The following MACROD2 variants were observed in gnomAD, a reference collection of about 807,000 sequenced individuals.
The protein encoded by MACROD2 is mono-ADP ribosylhydrolase 2.
In MACROD2, 36 loss-of-function variants were observed where a neutral mutation model predicts 70.4. The ratio of observed to expected loss-of-function variants is 0.51; its 90% CI spans 0.39 to 0.68. The LOEUF (loss-of-function observed/expected upper bound fraction) is 0.68, where lower values mean the gene tolerates loss of function less well. Among genes scored for constraint, MACROD2 ranks in the 30% least tolerant of loss-of-function variants. The pLI is 0.00. For missense variants in MACROD2, 496 were observed against 538.4 expected, an observed-to-expected ratio of 0.92 and a Z score of 0.78; for synonymous variants, 172 against 178.8, an observed-to-expected ratio of 0.96 and a Z score of 0.30.
At chr20:14,360,134 T>TA (rs2083207957) in intron 3 of MACROD2, among the ~76,000 whole-genome samples, 1 of 151,934 alleles carries the variant, frequency 6.6e-6, no homozygotes, top group Admixed American at 6.6e-5. Context: ...GGCTGGGGGC[T>TA]AGGTTGGTTC....
rs565721487 is a variant in MACROD2 at position 15,829,498 on chromosome 20, C to A, written c.646-33247C>A. Among the ~76,000 whole-genome samples the A allele has an allele frequency of 1.9e-4, 29 of 152,242 alleles. No individual in the cohort carries two copies. The East Asian group carries it at 4.1e-3, about 21-fold the overall frequency. On this transcript the variant is annotated intron_variant, in intron 8 of 17. Transcript: ENST00000684519. ...AACTACGTGTAATGACAACTGTGAT[C>A]TCCTGGTCCCACCCCTTGACCAGCA... is the stretch of plus-strand genomic sequence containing the variant.
intron 5 of MACROD2, among the ~76,000 whole-genome samples, chr20:14,724,728 TC>T (rs1459905833): frequency 1.3e-5 from 2 of 152,234 alleles, no homozygotes; most frequent in Admixed American, 6.5e-5. Context: ...TTGAGCATGA[TC>T]ATCTAAGGAG....
At chr20:15,482,662 G>A (rs543092239) in intron 7 of MACROD2, among the ~76,000 whole-genome samples, 1 of 152,290 alleles carries the variant, frequency 6.6e-6, no homozygotes, top group African/African-American at 2.4e-5. Flanking sequence ...CTAAAGGGCT[G>A]TAACATTTTG....
chr20:14,946,670 A>C (rs983796112), intron 5 of MACROD2, among the ~76,000 whole-genome samples: 2 of 152,118 alleles, frequency 1.3e-5, no homozygotes, highest in Non-Finnish European at 2.9e-5. Context: ...GCATCTGTTG[A>C]TTTTCTTTTC....
intron 2 of MACROD2, among the ~76,000 whole-genome samples, chr20:14,007,186 A>G (rs1053990170): frequency 2.0e-5 from 3 of 146,930 alleles, no homozygotes; most frequent in African/African-American, 7.4e-5. Context: ...TCAGACTTCT[A>G]TAAAGAGGAA....
chr20:15,647,953 A>G (rs992303856), intron 8 of MACROD2, among the ~76,000 whole-genome samples: 2 of 152,160 alleles, frequency 1.3e-5, no homozygotes, highest in Non-Finnish European at 2.9e-5. Context: ...TCCTGACCTC[A>G]AGTAATCTGC....
intron 8 of MACROD2, among the ~76,000 whole-genome samples, chr20:15,677,934 G>A (rs1182449475): frequency 1.3e-5 from 2 of 151,922 alleles, no homozygotes; most frequent in Non-Finnish European, 2.9e-5. Context: ...GCATGGTGGT[G>A]GGCACCTGTA....
intron 4 of MACROD2, among the ~76,000 whole-genome samples, chr20:14,582,674 G>C (rs1277545188): frequency 6.6e-6 from 1 of 152,014 alleles, no homozygotes; most frequent in Non-Finnish European, 1.5e-5. Context: ...CCCAGTGTAG[G>C]GTAATTGTGT....
intron 3 of MACROD2, among the ~76,000 whole-genome samples, chr20:14,287,053 G>A (rs6042652): frequency 0.65 from 99,457 of 151,940 alleles, 33,412 homozygotes; most frequent in Non-Finnish European, 0.73. Context: ...TGATAGGTCT[G>A]TTTTCTGTAG....
chr20:16,049,327 A>G (rs74493123), intron 17 of MACROD2, among the ~76,000 whole-genome samples: 7,164 of 152,222 alleles, frequency 0.047, 263 homozygotes, highest in South Asian at 0.17. Flanking sequence ...AATAAAGAGT[A>G]TAGGTTTTTG....
At chr20:14,848,681 C>T (rs6074805) in intron 5 of MACROD2, among the ~76,000 whole-genome samples, 50,188 of 151,898 alleles carry the variant, frequency 0.33, 9,177 homozygotes, top group Non-Finnish European at 0.41. Flanking sequence ...ATAATAATTT[C>T]GATATATTCA....
intron 13 of MACROD2, among the ~76,000 whole-genome samples, chr20:15,984,592 G>T (rs1236588187): frequency 2.6e-5 from 4 of 151,526 alleles, no homozygotes; most frequent in Non-Finnish European, 5.9e-5. Context: ...TTCAGGACAA[G>T]AATTTACTAT....
intron 5 of MACROD2, among the ~76,000 whole-genome samples, chr20:14,793,839 A>C (rs2072479575): frequency 6.6e-6 from 1 of 152,010 alleles, no homozygotes; most frequent in East Asian, 1.9e-4. Context: ...AAAACAGTAG[A>C]AGATAGAAGA....
In MACROD2 at chr20:15,790,391, C is replaced by T. The variant is rs554670602; in HGVS notation, c.646-72354C>T. Among the ~76,000 whole-genome samples the T allele has an allele frequency of 4.0e-5, 6 of 151,820 alleles. No homozygotes were observed. In the South Asian group the frequency reaches 1.2e-3, roughly 32 times the overall value. On this transcript the variant is annotated intron_variant, in intron 8 of 17. Transcript: ENST00000684519. ...TATTCTAGAAATAGCACATGTAATT[C>T]AATATGAGAAATGAGAATTAAAGGT...
chr20:14,190,728 T>TTTTTTTTC (rs765628902), intron 3 of MACROD2, among the ~76,000 whole-genome samples: 6 of 71,662 alleles, frequency 8.4e-5, no homozygotes, highest in Non-Finnish European at 1.3e-4. Context: ...TTTTTTTTTT[T>TTTTTTTTC]CCAGAGTCTT....
At chr20:14,909,779 T>C (rs2074004091) in intron 5 of MACROD2, among the ~76,000 whole-genome samples, 1 of 152,186 alleles carries the variant, frequency 6.6e-6, no homozygotes, top group African/African-American at 2.4e-5. Context: ...AAATCTGTTA[T>C]AGAAGTACAT....
At chr20:14,733,555 A>G (rs1233886949) in intron 5 of MACROD2, among the ~76,000 whole-genome samples, 1 of 152,210 alleles carries the variant, frequency 6.6e-6, no homozygotes, top group Non-Finnish European at 1.5e-5. Context: ...CATGGAGAAG[A>G]ATTACAGCAT....
At chr20:14,401,921 T>G (rs2083641884) in intron 3 of MACROD2, among the ~76,000 whole-genome samples, 1 of 152,260 alleles carries the variant, frequency 6.6e-6, no homozygotes, top group South Asian at 2.1e-4. Context: ...ATCCACAAAT[T>G]GAAGTGCCAT....
intron 3 of MACROD2, among the ~76,000 whole-genome samples, chr20:14,089,506 A>T (rs1174515259): frequency 6.6e-6 from 1 of 152,238 alleles, no homozygotes; most frequent in Non-Finnish European, 1.5e-5. Flanking sequence ...GTTGCTATGA[A>T]TGAAATGATT....
Sources: allele counts gnomAD v4.1 joint callset (sites outside exome capture counted in the v4.1 genomes callset), GRCh38; gene constraint gnomAD v4.1.1; transcripts MANE v1.5; gene names NCBI Gene and HGNC (gene_info 2026-07-23, HGNC 2026-07-21).